Variants in RIMS2 observed in about 807,000 individuals in gnomAD.
RIMS2 encodes the protein regulating synaptic membrane exocytosis protein 2.
In RIMS2, 59 loss-of-function variants were observed where a neutral mutation model predicts 174.4. The ratio of observed to expected loss-of-function variants is 0.34; its 90% confidence interval spans 0.27 to 0.42. RIMS2 has a LOEUF of 0.42. Among genes scored for constraint, RIMS2 ranks in the 10% least tolerant of loss-of-function variants. The pLI is 1.00. For missense variants in RIMS2, 1,620 were observed against 1,666.3 expected (o/e 0.97, Z 0.48); for synonymous variants, 606 against 572.5 (o/e 1.06, Z -0.84).
rs139215327 is a variant in RIMS2, at chr8:104,078,882, A to G, written c.3334+64267A>G. Among the ~76,000 whole-genome samples, 1,153 of 152,300 alleles carry G rather than the reference A, an allele frequency of 7.6e-3. 25 individuals are homozygous for G. Among genetic ancestry groups the G allele is most frequent in the African/African-American group, 0.026 (1,092 of 41,570 alleles). On this transcript the variant is annotated intron_variant, in intron 19 of 23. Coordinates refer to ENST00000504942, the Ensembl canonical transcript of RIMS2. ...ATTTTGGTTTTGTGTTTGCAAATGCATCTTAAAAATTAGCTGTCTTAGCCA... is the reference window on the plus strand; with the variant it reads ...ATTTTGGTTTTGTGTTTGCAAATGCGTCTTAAAAATTAGCTGTCTTAGCCA...
At chr8:103,587,459 AGAAAGAAAG>A (rs1175630869) in intron 1 of RIMS2, among the ~76,000 whole-genome samples, 1,424 of 118,564 alleles carry the variant, frequency 0.012, 39 homozygotes, top group African/African-American at 0.043. Context: ...AAAGAAAGAA[AGAAAGAAAG>A]AAACTATGCA....
intron 1 of RIMS2, among the ~76,000 whole-genome samples, chr8:103,618,051 G>A (rs775307979): frequency 1.3e-5 from 2 of 152,090 alleles, no homozygotes; most frequent in Non-Finnish European, 2.9e-5. Flanking sequence ...GTTCATTGTA[G>A]CATTGTTCTC....
intron 3 of RIMS2, among the ~76,000 whole-genome samples, chr8:103,855,393 C>CT (rs1297284666): frequency 1.3e-5 from 2 of 151,878 alleles, no homozygotes; most frequent in African/African-American, 4.8e-5. Context: ...CTTCTGCTAG[C>CT]TTTGGGATTG....
At chr8:103,944,872 A>G (rs1237816691) in intron 14 of RIMS2, among the ~76,000 whole-genome samples, 2 of 152,092 alleles carry the variant, frequency 1.3e-5, no homozygotes, top group African/African-American at 4.8e-5. Context: ...GAAAGAAACA[A>G]GAACTAGGAA....
intron 14 of RIMS2, among the ~76,000 whole-genome samples, chr8:103,947,562 T>C (rs968927785): frequency 6.6e-6 from 1 of 152,202 alleles, no homozygotes; most frequent in African/African-American, 2.4e-5. Flanking sequence ...TTTGTTTATC[T>C]AAACGTATGT....
chr8:104,253,709 CATT>C (rs2099363927), downstream of RIMS2: 1 of 152,156 alleles, frequency 6.6e-6, no homozygotes, highest in South Asian at 2.1e-4. Context: ...TTTGATAACA[CATT>C]ATTATAGCTT....
intron 2 of RIMS2, among the ~76,000 whole-genome samples, chr8:103,697,802 G>A (rs1468019374): frequency 1.3e-5 from 2 of 151,984 alleles, no homozygotes; most frequent in African/African-American, 4.8e-5. Context: ...TGAGGTGGGC[G>A]GATCACAAGG....
chr8:103,740,835 A>G (rs1370425954), intron 2 of RIMS2, among the ~76,000 whole-genome samples: 4 of 152,156 alleles, frequency 2.6e-5, no homozygotes, highest in African/African-American at 4.8e-5. Flanking sequence ...TGAAACAAAT[A>G]CATGAACAAA....
intron 7 of RIMS2, among the ~76,000 whole-genome samples, chr8:103,915,797 C>CT (rs1265860586): frequency 6.6e-6 from 1 of 151,870 alleles, no homozygotes. Context: ...CTTTATCTTA[C>CT]TTTTTTCTGA....
intron 2 of RIMS2, among the ~76,000 whole-genome samples, chr8:103,739,016 A>G (rs961893177): frequency 2.6e-5 from 4 of 152,236 alleles, no homozygotes; most frequent in Admixed American, 6.5e-5. Context: ...TGACGTAGCC[A>G]TCCCATTACT....
intron 4 of RIMS2, among the ~76,000 whole-genome samples, chr8:103,891,220 A>G (rs964809700): frequency 6.6e-6 from 1 of 152,088 alleles, no homozygotes; most frequent in African/African-American, 2.4e-5. Context: ...TTCACAGAGT[A>G]AGGGTAATTG....
chr8:104,012,122 A>G (rs994761290), intron 17 of RIMS2, among the ~76,000 whole-genome samples: 2 of 152,046 alleles, frequency 1.3e-5, no homozygotes, highest in Middle Eastern at 3.5e-3. Context: ...AGGCACTTAT[A>G]TGAAAATACT....
At chr8:103,610,999 G>A (rs998155193) in intron 1 of RIMS2, among the ~76,000 whole-genome samples, 6 of 152,194 alleles carry the variant, frequency 3.9e-5, no homozygotes, top group Admixed American at 2.0e-4. Context: ...TTCAATTATC[G>A]AACTCATTAT....
chr8:104,253,331 T>C (rs1323482305), downstream of RIMS2: 2 of 152,188 alleles, frequency 1.3e-5, no homozygotes, highest in African/African-American at 4.8e-5. Context: ...ACTATGTGAA[T>C]AGAAGCACTG....
intron 19 of RIMS2, among the ~76,000 whole-genome samples, chr8:104,093,864 A>G (rs1471650886): frequency 6.6e-6 from 1 of 152,058 alleles, no homozygotes; most frequent in African/African-American, 2.4e-5. Flanking sequence ...TTTGCTTACT[A>G]CATCACTGGA....
intron 1 of RIMS2, among the ~76,000 whole-genome samples, chr8:103,602,063 G>A (rs1266363083): frequency 1.3e-5 from 2 of 152,154 alleles, no homozygotes; most frequent in East Asian, 1.9e-4. Flanking sequence ...CTGGCTCACT[G>A]CCACCTCTGC....
At chr8:103,817,129 A>G (rs902420696) in intron 3 of RIMS2, among the ~76,000 whole-genome samples, 1 of 152,186 alleles carries the variant, frequency 6.6e-6, no homozygotes, top group Non-Finnish European at 1.5e-5. Flanking sequence ...GGTGTGAAAA[A>G]TCAACTCATA....
intron 19 of RIMS2, among the ~76,000 whole-genome samples, chr8:104,225,377 C>T (rs2099180955): frequency 6.6e-6 from 1 of 152,168 alleles, no homozygotes; most frequent in Admixed American, 6.5e-5. Flanking sequence ...TATTTGGCTA[C>T]ATTCACATAC....
intron 17 of RIMS2, among the ~76,000 whole-genome samples, chr8:103,989,933 A>T (rs1352862101): frequency 6.6e-6 from 1 of 152,180 alleles, no homozygotes; most frequent in Non-Finnish European, 1.5e-5. Context: ...AAACCTTTTA[A>T]GCATCTTAAA....
Sources: gnomAD v4.1 joint callset for allele counts (sites outside exome capture counted in the v4.1 genomes callset) on GRCh38, gnomAD v4.1.1 for gene constraint, MANE v1.5 for transcripts, NCBI Gene and HGNC (gene_info 2026-07-23, HGNC 2026-07-21) for gene names.